XPO5: variants seen among roughly 807,000 people sequenced by gnomAD.
XPO5 encodes the protein exportin 5, also known as exportin-5.
A neutral mutation model predicts 160.6 loss-of-function variants in XPO5; 46 were observed. That is an observed-to-expected ratio of 0.29 (90% CI 0.23 to 0.37). The LOEUF (loss-of-function observed/expected upper bound fraction) is 0.37, where lower values mean the gene tolerates loss of function less well. Ranked by LOEUF, XPO5 falls within the 10% of genes least tolerant of loss-of-function variation. XPO5 has a pLI of 1.00. For synonymous variants in XPO5, 537 were observed against 519.3 expected (o/e 1.03, Z -0.46); for missense variants, 1,090 against 1,463.9 (o/e 0.74, Z 4.17).
intron 29 of XPO5, 54 bp from the exon 30 acceptor site, chr6:43,525,022 C>T: frequency 6.3e-7 from 1 of 1,596,020 alleles, no homozygotes; most frequent in Non-Finnish European, 8.5e-7. Flanking sequence ...AAGGCCTCAG[C>T]ACCCCAGTTC....
In XPO5 at chr6:43,522,591, G is replaced by C. The variant is rs899953756; in HGVS notation, c.*1277C>G. 1 of 342,210 alleles carries C rather than the reference G, an allele frequency of 2.9e-6. No individual in the cohort carries two copies. The highest frequency in any genetic ancestry group is 9.0e-5 in the East Asian group (1 of 11,082). 21.2% of individuals were successfully genotyped at this position (342,210 alleles called of 1,614,324 possible). A position where few individuals can be genotyped will look rare whatever the true frequency, so the allele number is the denominator to read the frequency against. ...ACCCAGAGCACCACACAGGAAGAGG[G>C]AGCAACACAAGACTCCCAACTTCTG... On this transcript the variant is annotated 3_prime_UTR_variant, in exon 32 of 32. Coordinates refer to ENST00000265351, the MANE Select transcript of XPO5 (RefSeq NM_020750.3).
At chr6:43,572,480 A>T (rs1454010978) in intron 3 of XPO5, 26 bp downstream of exon 3, 1 of 1,612,306 alleles carries the variant, frequency 6.2e-7, no homozygotes, top group Non-Finnish European at 8.5e-7. Flanking sequence ...CCTTGGAAAC[A>T]TGTCTCCCAA....
intron 23 of XPO5, chr6:43,529,403 AATT>A: frequency 2.7e-6 from 1 of 364,742 alleles, no homozygotes; most frequent in Non-Finnish European, 5.1e-6. Flanking sequence ...AAAAAAAAAA[AATT>A]AGTCGGGCAT....
At chr6:43,561,617 GATCTGCCC>G (rs1762422294) in intron 9 of XPO5, 1 of 152,966 alleles carries the variant, frequency 6.5e-6, no homozygotes, top group Admixed American at 6.5e-5. Flanking sequence ...GACCTCAGGT[GATCTGCCC>G]ACCTCACCCT....
chr6:43,567,360 A>C lies in XPO5; in HGVS notation c.649-6T>G. The C allele has an allele frequency of 1.3e-6, 2 of 1,596,634 alleles. No homozygotes were observed. Among genetic ancestry groups the C allele is most frequent in the Non-Finnish European group, 1.7e-6 (2 of 1,172,388 alleles). On this transcript the variant is annotated splice_region_variant and splice_polypyrimidine_tract_variant and intron_variant, in intron 6 of 31. Coordinates refer to ENST00000265351, the MANE Select transcript of XPO5 (RefSeq NM_020750.3). ...ACTCGACAGTTTGCTTGCGCCTACC[A>C]GAAAAGAAGTAACTTTGGACCATGA...
At chr6:43,562,682 A>T (rs539347907) in intron 8 of XPO5, among the ~76,000 whole-genome samples, 49 of 152,182 alleles carry the variant, frequency 3.2e-4, no homozygotes, top group Non-Finnish European at 6.0e-4. Flanking sequence ...ATTGAAGGAC[A>T]GGATGGTATT....
At chr6:43,563,736 G>T (rs188005689) in intron 8 of XPO5, among the ~76,000 whole-genome samples, 3 of 152,198 alleles carry the variant, frequency 2.0e-5, no homozygotes, top group Admixed American at 2.0e-4. Flanking sequence ...TACAGAAAAG[G>T]TACAGTAAAA....
chr6:43,524,901 TG>T lies in XPO5; in HGVS notation c.3241del (p.Gln1081ArgfsTer31). On this transcript the variant is annotated frameshift_variant, in exon 30 of 32. Coordinates refer to ENST00000265351, the MANE Select transcript of XPO5 (RefSeq NM_020750.3). LOFTEE classifies it high-confidence loss of function. ...WLFTSVLKGL[Q>X]MHGQHDGCMA... ...GCACCCGTCGTGCTGCCCGTGCATC[TG>T]TAAGCCTTTCAGCACACTGGTGAAA... 2 of 1,614,042 alleles carry T rather than the reference TG, an allele frequency of 1.2e-6. No homozygotes were observed. The highest frequency in any genetic ancestry group is 1.7e-6 in the Non-Finnish European group (2 of 1,179,898).
At chr6:43,539,760 A>G in intron 20 of XPO5, 1 of 594,790 alleles carries the variant, frequency 1.7e-6, no homozygotes, top group South Asian at 2.1e-5. Flanking sequence ...TAGTTTGTCT[A>G]AGAGATAAAT....
chr6:43,548,348 T>C lies in XPO5; in HGVS notation c.1973A>G (p.Gln658Arg). The C allele has an allele frequency of 6.2e-7, 1 of 1,613,736 alleles. No homozygotes were observed. The highest frequency in any genetic ancestry group is 1.3e-5 in the African/African-American group (1 of 75,034). ...CTTCTGACGCTCGTAGTTCTTAAAT[T>C]GGTTGCTAATGAGAACCAGGGCTTC... Reference protein sequence around the residue: ...LMEALVLISNQFKNYERQKVF... With the variant: ...LMEALVLISNRFKNYERQKVF... Residue 658 changes from glutamine to arginine, a missense_variant, in exon 18 of 32, where the codon CAA becomes CGA. Transcript: ENST00000265351.
At chr6:43,527,605 T>C (rs772818272) in intron 26 of XPO5, 29 bp downstream of exon 26, 2 of 1,611,642 alleles carry the variant, frequency 1.2e-6, no homozygotes, top group Admixed American at 3.3e-5. Context: ...GAAAATCCTC[T>C]ATAGCCCCAG....
At position 43,570,873 on chromosome 6, in the gene XPO5, G is replaced by C; in HGVS notation, c.422C>G (p.Thr141Ser). ...GTTTCATACCCCTTGTTTGGAAAGA[G>C]TGTCCAATTCTATTAGCATGTCAGG... is the stretch of plus-strand genomic sequence containing the variant. ...HWPDMLIELDTLSKQGETQTE... is the reference protein window; with the variant it reads ...HWPDMLIELDSLSKQGETQTE... Residue 141 changes from threonine (T) to serine (S), a missense_variant, in exon 4 of 32, where the codon ACT becomes AGT. Coordinates refer to ENST00000265351, the MANE Select transcript of XPO5 (RefSeq NM_020750.3). The C allele has an allele frequency of 2.5e-6, 4 of 1,611,654 alleles. No homozygotes were observed. The highest frequency in any genetic ancestry group is 1.7e-6 in the Non-Finnish European group (2 of 1,179,262).
In XPO5 at chr6:43,527,765, G is replaced by A. The variant is rs773734130; in HGVS notation, c.2823-34C>T. ...AACCAGGGGGCCAAGTTCCACAGGA[G>A]TGCAGAAAAGGAAGGACAAGGAAAG... On this transcript the variant is annotated intron_variant, in intron 25 of 31. Coordinates refer to ENST00000265351, the MANE Select transcript of XPO5 (RefSeq NM_020750.3). The A allele has an allele frequency of 3.1e-6, 5 of 1,609,194 alleles. No individual in the cohort carries two copies. The East Asian group carries it at 1.1e-4, about 36-fold the overall frequency.
intron 5 of XPO5, among the ~76,000 whole-genome samples, chr6:43,569,288 G>A (rs1301712366): frequency 1.6e-4 from 21 of 132,212 alleles, no homozygotes; most frequent in Non-Finnish European, 2.7e-4. Context: ...GTGAAACTCC[G>A]TCTCAAAAAA....
chr6:43,528,838 T>C lies in XPO5; in HGVS notation c.2765A>G (p.Tyr922Cys). ...VSPILGPLFT[Y>C]LHMRLSQKWQ... is the part of the protein sequence containing the mutation. ...TGACTTATCTCTTACCATATGGAGGTAGGTGAAAAGAGGTCCGAGGATGGG... is the reference window on the plus strand; with the variant it reads ...TGACTTATCTCTTACCATATGGAGGCAGGTGAAAAGAGGTCCGAGGATGGG... The change falls in exon 24 of 32, where the codon TAC becomes TGC. Residue 922 changes from tyrosine to cysteine, a missense_variant. Physicochemically the swap from Tyr to Cys is radical, Grantham distance 194 (BLOSUM62 -2). Transcript: ENST00000265351. The C allele has an allele frequency of 1.2e-6, 2 of 1,613,590 alleles. No homozygotes were observed. Among genetic ancestry groups the C allele is most frequent in the Non-Finnish European group, 1.7e-6 (2 of 1,179,716 alleles).
In XPO5 at chr6:43,551,635, C is replaced by CT. The variant is rs1285227476; in HGVS notation, c.1573-183dup. Among the ~76,000 whole-genome samples, 4 of 152,310 alleles carry CT rather than the reference C, an allele frequency of 2.6e-5. No individual in the cohort carries two copies. The East Asian group carries it at 7.7e-4, about 29-fold the overall frequency. On this transcript the variant is annotated intron_variant, in intron 14 of 31. Transcript: ENST00000265351. ...AAACTCTTGAGCTCAAGGGATCCTCCTGCCTTAGCCTCCTGAGTAGCTAGG... is the reference window on the plus strand; with the variant it reads ...AAACTCTTGAGCTCAAGGGATCCTCCTTGCCTTAGCCTCCTGAGTAGCTAGG...
chr6:43,558,676 AATTT>A, intron 11 of XPO5, 85 bp from the exon 12 acceptor site: 1 of 1,026,920 alleles, frequency 9.7e-7, no homozygotes, highest in Non-Finnish European at 1.4e-6. Flanking sequence ...AAGCACTTTT[AATTT>A]ATTTAAGAGT....
chr6:43,530,583 TCTTC>T, intron 23 of XPO5, 101 bp downstream of exon 23: 1 of 1,346,310 alleles, frequency 7.4e-7, no homozygotes, highest in East Asian at 2.3e-5. Context: ...TAATCTCATC[TCTTC>T]CTTCCAGTTC....
intron 2 of XPO5, 25 bp downstream of exon 2, chr6:43,573,455 G>C: frequency 1.2e-6 from 2 of 1,611,854 alleles, no homozygotes; most frequent in Non-Finnish European, 1.7e-6. Context: ...TCAGACTTCA[G>C]TGGTAATGTC....
Sources: allele counts gnomAD v4.1 joint callset (sites outside exome capture counted in the v4.1 genomes callset), GRCh38; gene constraint gnomAD v4.1.1; transcripts MANE v1.5; gene names NCBI Gene and HGNC (gene_info 2026-07-23, HGNC 2026-07-21).